NFIA: variants seen among roughly 807,000 people sequenced by gnomAD.
NFIA encodes nuclear factor I A.
NFIA carries 8 observed loss-of-function variants against 62.8 expected under a neutral mutation model. The ratio of observed to expected loss-of-function variants is 0.13; its 90% confidence interval spans 0.07 to 0.23. The LOEUF (loss-of-function observed/expected upper bound fraction) is 0.23. NFIA is among the 10% of genes least tolerant of loss of function. NFIA has a pLI of 1.00. For synonymous variants in NFIA, 235 were observed against 238.1 expected (o/e 0.99, Z 0.12); for missense variants, 410 against 642.1 (o/e 0.64, Z 3.91).
Position 61,441,292 on chromosome 1 carries a change from GGTGTGT to G in NFIA, c.1513-13974_1513-13969del, listed in dbSNP as rs763246425. 5.6e-3 allele frequency among the ~76,000 whole-genome samples: 781 copies of G among 139,416 alleles called. 15 individuals carry two copies. The East Asian group carries it at 0.07, about 13-fold the overall frequency. The allele number at this position is 139,416 out of a possible 152,430, so 91.5% of individuals were successfully genotyped here. A position where few individuals can be genotyped will look rare whatever the true frequency, so the allele number is the denominator to read the frequency against. ...TTACTTTCATAGACTGCCGTGCAGG[GGTGTGT>G]GTGTGTGTGTGTGTGTGTGTGTGTG... On this transcript the variant is annotated intron_variant, in intron 10 of 10. Coordinates refer to ENST00000403491, the MANE Select transcript of NFIA (RefSeq NM_001134673.4).
chr1:61,266,682 G>T (rs1042228404), intron 2 of NFIA, among the ~76,000 whole-genome samples: 6 of 152,206 alleles, frequency 3.9e-5, no homozygotes, highest in Non-Finnish European at 5.9e-5. Flanking sequence ...TTACAGGCAT[G>T]AGCCACTGTA....
At chr1:61,263,970 G>A (rs1277722605) in intron 2 of NFIA, among the ~76,000 whole-genome samples, 1 of 151,740 alleles carries the variant, frequency 6.6e-6, no homozygotes, top group East Asian at 1.9e-4. Context: ...AGCCTGGGTG[G>A]CAGAGTGAGA....
At chr1:61,402,813 A>G (rs543536970) in intron 7 of NFIA, among the ~76,000 whole-genome samples, 34 of 152,308 alleles carry the variant, frequency 2.2e-4, no homozygotes, top group Middle Eastern at 3.4e-3. Flanking sequence ...GCCCATTTCC[A>G]GTCTTTTTGA....
chr1:61,372,054 TGAA>T (rs1244804183), intron 6 of NFIA, among the ~76,000 whole-genome samples: 3 of 152,224 alleles, frequency 2.0e-5, no homozygotes, highest in South Asian at 2.1e-4. Context: ...GGTGTGAATG[TGAA>T]GAAGAAGTGT....
chr1:61,383,548 G>C (rs1334985733), intron 7 of NFIA, among the ~76,000 whole-genome samples, 183 bp downstream of exon 7: 1 of 152,186 alleles, frequency 6.6e-6, no homozygotes, highest in African/African-American at 2.4e-5. Context: ...CACATTTTTT[G>C]TCCTTTCCTA....
At chr1:61,408,896 A>G (rs60439855) in intron 9 of NFIA, among the ~76,000 whole-genome samples, 8,844 of 152,070 alleles carry the variant, frequency 0.058, 861 homozygotes, top group African/African-American at 0.2. Context: ...ATAGTGGAAG[A>G]CTCCAGGCTT....
intron 2 of NFIA, among the ~76,000 whole-genome samples, chr1:61,130,097 C>G (rs1230764151): frequency 2.0e-5 from 3 of 152,102 alleles, no homozygotes; most frequent in Non-Finnish European, 4.4e-5. Context: ...GCATGATAGT[C>G]TTACCAGCCT....
chr1:61,149,615 A>G (rs1022786167), intron 2 of NFIA, among the ~76,000 whole-genome samples: 2 of 152,190 alleles, frequency 1.3e-5, no homozygotes, highest in Non-Finnish European at 2.9e-5. Context: ...AGCATGATCT[A>G]ATGGAAAGCT....
intron 2 of NFIA, among the ~76,000 whole-genome samples, chr1:61,225,647 A>T (rs1654288807): frequency 1.4e-5 from 2 of 147,612 alleles, no homozygotes; most frequent in African/African-American, 5.0e-5. Context: ...GCTTGTTCGT[A>T]TCTACGATTG....
intron 10 of NFIA, among the ~76,000 whole-genome samples, chr1:61,446,317 T>A (rs1426750827): frequency 6.6e-6 from 1 of 152,226 alleles, no homozygotes; most frequent in African/African-American, 2.4e-5. Flanking sequence ...ACAGAAGCCT[T>A]CCAGGGGTTG....
chr1:61,362,031 T>G (rs1211731104), intron 6 of NFIA, among the ~76,000 whole-genome samples: 1 of 152,126 alleles, frequency 6.6e-6, no homozygotes, highest in Non-Finnish European at 1.5e-5. Flanking sequence ...GAGGGGACAT[T>G]AAAACTCAAC....
chr1:61,406,542 T>TGC lies in NFIA; in HGVS notation c.1255-19_1255-18dup. On this transcript the variant is annotated intron_variant, in intron 8 of 10. Coordinates refer to ENST00000403491, the MANE Select transcript of NFIA (RefSeq NM_001134673.4). The stretch of plus-strand genomic sequence containing the variant: ...TTCTTTTTCTTGTACGTGTGTTTTC[T>TGC]GCCCCCCCCCCCCCCACAGCCCAAT... 15 of 1,253,822 alleles carry TGC rather than the reference T, an allele frequency of 1.2e-5. No individual in the cohort carries two copies. Among genetic ancestry groups the TGC allele is most frequent in the Non-Finnish European group, 1.6e-5 (15 of 931,736 alleles). 77.7% of individuals were successfully genotyped at this position (1,253,822 alleles called of 1,614,324 possible).
At position 61,457,838 on chromosome 1, in the gene NFIA, A is replaced by G. The variant is rs954061431; in HGVS notation, c.*2518A>G. ...GTTCCTTTCACAAGCAAGCCTTAAA[A>G]AAAAAAAAGACAACTTCCTTTTTCT... On this transcript the variant is annotated 3_prime_UTR_variant, in exon 11 of 11. Transcript: ENST00000403491. This position sits in a 1 kb window ranked among gnomAD's most constrained non-coding sequence, Gnocchi z 4.2. 2 of 152,056 alleles carry G rather than the reference A, an allele frequency of 1.3e-5. No individual in the cohort carries two copies. Among genetic ancestry groups the G allele is most frequent in the Non-Finnish European group, 2.9e-5 (2 of 68,010 alleles). 9.4% of individuals were successfully genotyped at this position (152,056 alleles called of 1,614,324 possible). A position where few individuals can be genotyped will look rare whatever the true frequency, so the allele number is the denominator to read the frequency against.
chr1:61,171,761 T>C (rs1247319671), intron 2 of NFIA, among the ~76,000 whole-genome samples: 1 of 152,124 alleles, frequency 6.6e-6, no homozygotes, highest in African/African-American at 2.4e-5. Flanking sequence ...AGAGCACAGA[T>C]TGTCATAAGG....
At chr1:61,175,153 ATTT>A (rs1553158155) in intron 2 of NFIA, among the ~76,000 whole-genome samples, 14 of 100,320 alleles carry the variant, frequency 1.4e-4, no homozygotes, top group African/African-American at 3.2e-4. Flanking sequence ...TATTATTATT[ATTT>A]TTTGAGACAG....
intron 2 of NFIA, among the ~76,000 whole-genome samples, chr1:61,172,739 G>A (rs1650048618): frequency 6.6e-6 from 1 of 152,226 alleles, no homozygotes; most frequent in Admixed American, 6.5e-5. Flanking sequence ...AGCAAGGAGT[G>A]CTGATTTAAT....
At chr1:61,416,141 T>C (rs1007810953) in intron 9 of NFIA, among the ~76,000 whole-genome samples, 1 of 152,180 alleles carries the variant, frequency 6.6e-6, no homozygotes, top group Non-Finnish European at 1.5e-5. Flanking sequence ...AATAGTGGTT[T>C]ACTCCAGGGA....
intron 2 of NFIA, among the ~76,000 whole-genome samples, chr1:61,129,693 G>A (rs576532941): frequency 4.5e-4 from 69 of 151,806 alleles, no homozygotes; most frequent in Non-Finnish European, 8.0e-4. Flanking sequence ...CAAGTGATCC[G>A]CCCACCTCAG....
intron 9 of NFIA, among the ~76,000 whole-genome samples, chr1:61,422,628 C>T (rs992855563): frequency 5.3e-5 from 8 of 151,880 alleles, no homozygotes; most frequent in African/African-American, 1.2e-4. Context: ...CAGGGACATC[C>T]GCCATGATAA....
Sources: gnomAD v4.1 joint callset for allele counts (sites outside exome capture counted in the v4.1 genomes callset) on GRCh38, gnomAD v4.1.1 for gene constraint, Gnocchi (gnomAD v3.1) non-coding constraint, MANE v1.5 for transcripts, NCBI Gene and HGNC (gene_info 2026-07-23, HGNC 2026-07-21) for gene names.